Variants in MUC4 observed in about 807,000 individuals in gnomAD.
MUC4 encodes the protein mucin-4.
MUC4 carries 202 observed loss-of-function variants against 257.9 expected under a neutral mutation model. The observed-to-expected ratio is 0.78, with a 90% CI of 0.70 to 0.88. MUC4 has a LOEUF of 0.88. Ranked by LOEUF, MUC4 falls within the 40% of genes least tolerant of loss-of-function variation. MUC4 has a pLI of 0.00. For missense variants in MUC4, 5,976 were observed against 6,513.7 expected (o/e 0.92, Z 2.84); for synonymous variants, 2,351 against 2,757.1 (o/e 0.85, Z 4.62).
intron 1 of MUC4, among the ~76,000 whole-genome samples, chr3:195,800,727 T>C (rs963173271): frequency 6.6e-6 from 1 of 151,870 alleles, no homozygotes; most frequent in African/African-American, 2.4e-5. Flanking sequence ...GAAATCCTAG[T>C]GGATGGAGAG....
In MUC4 at chr3:195,775,499, G is replaced by GC. The variant is rs1724284151; in HGVS notation, c.12944-1195dup. Among the ~76,000 whole-genome samples the GC allele has an allele frequency of 4.8e-4, 7 of 14,580 alleles. 1 individual carries two copies. The highest frequency in any genetic ancestry group is 2.5e-3 in the African/African-American group (7 of 2,826). 9.6% of individuals were successfully genotyped at this position (14,580 alleles called of 152,430 possible). ...ACCTTCCACACCCATACCTTCCACA[G>GC]CCATACCTTCCACACCCATACCTTC... On this transcript the variant is annotated intron_variant, in intron 3 of 24. Transcript: ENST00000463781.
intron 1 of MUC4, among the ~76,000 whole-genome samples, chr3:195,799,237 G>GTGTGTGTA (rs1484009269): frequency 2.6e-4 from 24 of 93,652 alleles, no homozygotes; most frequent in African/African-American, 7.1e-4. Context: ...CACTGTGTGT[G>GTGTGTGTA]TGTGTGTGTG....
At position 195,789,161 on chromosome 3, in the gene MUC4, A is replaced by T; in HGVS notation, c.2419T>A (p.Ser807Thr). 2.5e-6 allele frequency: 4 copies of T among 1,613,668 alleles called. No homozygotes were observed. The highest frequency in any genetic ancestry group is 3.4e-6 in the Non-Finnish European group (4 of 1,179,824). The change falls in exon 2 of 25, where the codon TCA becomes ACA. Residue 807 changes from serine to threonine, a missense_variant. Ser to Thr is a moderately conservative substitution (Grantham distance 58). This residue lies in a region of MUC4 where 1,583 missense variants were observed against 1,257.4 expected (regional missense o/e 1.26). Transcript: ENST00000463781. ...TTSAGTATPSSSGASGTTPSG... is the reference protein window; with the variant it reads ...TTSAGTATPSTSGASGTTPSG... ...GGTGTTGTGCCACTCGCCCCGGATGAGGAAGGGGTAGCTGTGCCCGCTGAG... is the reference window on the plus strand; with the variant it reads ...GGTGTTGTGCCACTCGCCCCGGATGTGGAAGGGGTAGCTGTGCCCGCTGAG...
rs771089644 is a variant in MUC4 at position 195,748,916 on chromosome 3, A to G, written c.16020T>C (p.Ser5340=). The change falls in exon 24 of 25, where the codon AGT becomes AGC. Residue 5340 remains serine (S), a synonymous_variant. Transcript: ENST00000463781. Reference sequence around the variant, plus strand: ...GCCCTATGCACCTGCAGCGGGGCCCACTGGGCAGGTGCTGGCACTGGCCTC... The same window carrying G: ...GCCCTATGCACCTGCAGCGGGGCCCGCTGGGCAGGTGCTGGCACTGGCCTC... The part of the protein sequence containing the change: ...DHGGQCQHLP[S]GPRCSCVSFS... The G allele has an allele frequency of 3.8e-6, 6 of 1,585,464 alleles. No individual in the cohort carries two copies. In the Admixed American group the frequency reaches 1.1e-4, roughly 28 times the overall value.
intron 3 of MUC4, among the ~76,000 whole-genome samples, chr3:195,778,099 G>T (rs1725406818): frequency 6.6e-6 from 1 of 152,226 alleles, no homozygotes; most frequent in Non-Finnish European, 1.5e-5. Flanking sequence ...TTGCTGAATG[G>T]CACTGGGGTC....
At chr3:195,761,362 G>A (rs976425139) in intron 15 of MUC4, 122 bp downstream of exon 15, 22 of 895,962 alleles carry the variant, frequency 2.5e-5, no homozygotes, top group Admixed American at 2.1e-5. Flanking sequence ...CCCTGGGGGG[G>A]CACAGATTCC....
At position 195,763,088 on chromosome 3, in the gene MUC4, A is replaced by C. The variant is rs112747729; in HGVS notation, c.14254-143T>G. ...GGAGGCCGCGGCCTGAGGTGATGCCAGCCGCCGTCTACCGTGTGCTCGGCA... is the reference window on the plus strand; with the variant it reads ...GGAGGCCGCGGCCTGAGGTGATGCCCGCCGCCGTCTACCGTGTGCTCGGCA... On this transcript the variant is annotated intron_variant, in intron 12 of 24. Coordinates refer to ENST00000463781, the MANE Select transcript of MUC4 (RefSeq NM_018406.7). 4,712 of 712,174 alleles carry C rather than the reference A, an allele frequency of 6.6e-3. 177 individuals are homozygous for C. The African/African-American group carries it at 0.076, about 11-fold the overall frequency. 44.1% of individuals were successfully genotyped at this position (712,174 alleles called of 1,614,324 possible). A position where few individuals can be genotyped will look rare whatever the true frequency, so the allele number is the denominator to read the frequency against.
Position 195,790,569 on chromosome 3 carries a change from T to G in MUC4, c.1011A>C (p.Gln337His). The G allele has an allele frequency of 1.9e-6, 3 of 1,613,972 alleles. No homozygotes were observed. The highest frequency in any genetic ancestry group is 2.5e-6 in the Non-Finnish European group (3 of 1,179,866). ...TQSVETTRVS[Q>H]INTLNTLTPV... The stretch of plus-strand genomic sequence containing the variant: ...GTGTGAGGGTGTTGAGGGTGTTGAT[T>G]TGAGATACTCTGGTGGTCTCCACGC... Residue 337 changes from glutamine to histidine, a missense_variant, in exon 2 of 25, where the codon CAA becomes CAC. By Grantham distance (24) the Gln-to-His change is conservative. Transcript: ENST00000463781.
Position 195,770,120 on chromosome 3 carries a change from G to T in MUC4, c.13398+96C>A, listed in dbSNP as rs952789635. ...TTGCTATAATTAGCAATCTTTCCTA[G>T]AGCCAGAGAGGATTTTGGAAGAGTG... On this transcript the variant is annotated intron_variant, in intron 6 of 24. Coordinates refer to ENST00000463781, the MANE Select transcript of MUC4 (RefSeq NM_018406.7). 6 of 1,264,180 alleles carry T rather than the reference G, an allele frequency of 4.7e-6. No individual in the cohort carries two copies. In the African/African-American group the frequency reaches 7.8e-5, roughly 16 times the overall value. The allele number at this position is 1,264,180 out of a possible 1,614,324, so 78.3% of individuals were successfully genotyped here.
At chr3:195,768,720 C>T (rs567765224) in intron 7 of MUC4, among the ~76,000 whole-genome samples, 61 of 152,180 alleles carry the variant, frequency 4.0e-4, no homozygotes, top group African/African-American at 1.3e-3. Flanking sequence ...GTTATTATCA[C>T]GATATTTGAG....
Position 195,765,121 on chromosome 3 carries a change from A to G in MUC4, c.13800T>C (p.Gly4600=). Residue 4600 remains glycine (G), a splice_region_variant and synonymous_variant, in exon 10 of 25, where the codon GGT becomes GGC. Coordinates refer to ENST00000463781, the MANE Select transcript of MUC4 (RefSeq NM_018406.7). ...RDLRFQPVSI[G]RWGLGSRQLC... is the part of the protein sequence containing the mutation. Reference sequence around the variant, plus strand: ...GCTGCCTACTGCCGAGGCCCCAGCGACCTGAAACAAGTCCAGTCCCACTCA... The same window carrying G: ...GCTGCCTACTGCCGAGGCCCCAGCGGCCTGAAACAAGTCCAGTCCCACTCA... 6.8e-6 allele frequency: 11 copies of G among 1,611,708 alleles called. No individual in the cohort carries two copies. The highest frequency in any genetic ancestry group is 9.3e-6 in the Non-Finnish European group (11 of 1,178,832).
chr3:195,765,468 G>T lies in MUC4; in HGVS notation c.13619-19C>A. 6.2e-7 allele frequency: 1 copy of T among 1,605,576 alleles called. No homozygotes were observed. Reference sequence around the variant, plus strand: ...TGGAGGCCTGAGGTCGGGGATGGGGGGGAAAGGGCTTATCCAGGGCTGGGG... The same window carrying T: ...TGGAGGCCTGAGGTCGGGGATGGGGTGGAAAGGGCTTATCCAGGGCTGGGG... On this transcript the variant is annotated intron_variant, in intron 8 of 24. Coordinates refer to ENST00000463781, the MANE Select transcript of MUC4 (RefSeq NM_018406.7).
chr3:195,766,840 C>T (rs1442673100), intron 7 of MUC4, 89 bp from the exon 8 acceptor site: 3 of 1,206,732 alleles, frequency 2.5e-6, no homozygotes, highest in South Asian at 2.5e-5. Flanking sequence ...GCTAGCCGGT[C>T]AGCAGCTGGT....
rs1046436025 is a variant in MUC4, at chr3:195,790,031, C to T, written c.1549G>A (p.Val517Ile). 1 of 1,614,010 alleles carries T rather than the reference C, an allele frequency of 6.2e-7. No homozygotes were observed. Among genetic ancestry groups the T allele is most frequent in the South Asian group, 1.1e-5 (1 of 91,082 alleles). The part of the protein sequence containing the change: ...STSTGAATRL[V>I]TGNPSTGTAG... ...GTCCCTGTAGATGGATTTCCTGTGA[C>T]AAGCCTAGTGGCAGCACCTGTTGAT... The change falls in exon 2 of 25, where the codon GTC becomes ATC. Residue 517 changes from valine to isoleucine, a missense_variant. Coordinates refer to ENST00000463781, the MANE Select transcript of MUC4 (RefSeq NM_018406.7).
chr3:195,752,467 T>G, intron 20 of MUC4, 21 bp from the exon 21 acceptor site: 1 of 1,603,800 alleles, frequency 6.2e-7, no homozygotes, highest in Non-Finnish European at 8.5e-7. Flanking sequence ...GAGAAGCAAA[T>G]GTATCATCAC....
chr3:195,791,791 A>G (rs1363857777), intron 1 of MUC4, among the ~76,000 whole-genome samples: 2 of 152,232 alleles, frequency 1.3e-5, no homozygotes, highest in Non-Finnish European at 2.9e-5. Context: ...AAACTGACAT[A>G]TAAACCAATG....
rs761538254 is a variant in MUC4, at chr3:195,810,673, C to T, written c.82+1063G>A. 8.5e-5 allele frequency among the ~76,000 whole-genome samples: 13 copies of T among 152,164 alleles called. No individual in the cohort carries two copies. The highest frequency in any genetic ancestry group is 1.8e-4 in the Non-Finnish European group (12 of 68,030). ...TCCCGGCCCTCTGCGCCCTGGCCGC[C>T]TCCTCCGCACCACCCTCCCGGCCGG... On this transcript the variant is annotated intron_variant, in intron 1 of 24. Coordinates refer to ENST00000463781, the MANE Select transcript of MUC4 (RefSeq NM_018406.7). The surrounding 1 kb of genome is among the most constrained non-coding windows in gnomAD (Gnocchi z 4.2).
At position 195,781,495 on chromosome 3, in the gene MUC4, G is replaced by C; in HGVS notation, c.10085C>G (p.Pro3362Arg). ...GGAAGCTGAGGAAAGGCCGGTGACA[G>C]GAAGAGGGGTGGCGTGACCTGTGGA... ...SVSTGHATPL[P>R]VTGLSSASTG... Residue 3362 changes from proline (P) to arginine (R), a missense_variant, in exon 2 of 25, where the codon CCT becomes CGT. Physicochemically the swap from Pro to Arg is moderately radical, Grantham distance 103. Transcript: ENST00000463781. The C allele has an allele frequency of 6.5e-7, 1 of 1,530,286 alleles. No individual in the cohort carries two copies. The highest frequency in any genetic ancestry group is 8.8e-7 in the Non-Finnish European group (1 of 1,138,834). 94.8% of individuals were successfully genotyped at this position (1,530,286 alleles called of 1,614,324 possible). A position where few individuals can be genotyped will look rare whatever the true frequency, so the allele number is the denominator to read the frequency against.
At chr3:195,764,821 T>G (rs1720067383) in intron 10 of MUC4, among the ~76,000 whole-genome samples, 176 bp downstream of exon 10, 1 of 152,042 alleles carries the variant, frequency 6.6e-6, no homozygotes, top group South Asian at 2.1e-4. Flanking sequence ...GGCTCTCAGC[T>G]CATACATCCC....
Sources: gnomAD v4.1 joint callset for allele counts (sites outside exome capture counted in the v4.1 genomes callset) on GRCh38, gnomAD v4.1.1 for gene constraint, gnomAD v4.1.1 regional missense constraint, Gnocchi (gnomAD v3.1) non-coding constraint, MANE v1.5 for transcripts, NCBI Gene and HGNC (gene_info 2026-07-23, HGNC 2026-07-21) for gene names.